SACS: variants seen among roughly 807,000 people sequenced by gnomAD.
The protein encoded by SACS is sacsin molecular chaperone, also known as sacsin.
SACS carries 197 observed loss-of-function variants against 348.0 expected under a neutral mutation model. The observed-to-expected ratio is 0.57, with a 90% CI of 0.50 to 0.64. SACS has a LOEUF of 0.64. Among genes scored for constraint, SACS ranks in the 30% least tolerant of loss-of-function variants. The pLI is 0.00. For synonymous variants in SACS, 1,985 were observed against 1,910.6 expected (o/e 1.04, Z -1.02); for missense variants, 4,999 against 5,360.8 (o/e 0.93, Z 2.11).
rs1871676689 is a variant in SACS at position 23,375,212 on chromosome 13, C to T, written c.78G>A (p.Leu26=). 2 of 1,500,140 alleles carry T rather than the reference C, an allele frequency of 1.3e-6. No individual in the cohort carries two copies. The highest frequency in any genetic ancestry group is 2.9e-5 in the African/African-American group (2 of 68,598). 92.9% of individuals were successfully genotyped at this position (1,500,140 alleles called of 1,614,324 possible). The stretch of plus-strand genomic sequence containing the variant: ...TCACATCGCGCACGGTCCAGGACGC[C>T]AGCGCCGCGACGGTCCTGCAGCCCA... ...GCVGCRTVAA[L]ASWTVRDVKE... Residue 26 remains leucine (L), a synonymous_variant, in exon 3 of 10, where the codon CTG becomes CTA. Transcript: ENST00000382292.
chr13:23,330,577 A>C lies in SACS; in HGVS notation c.13299T>G (p.Phe4433Leu), dbSNP rs1883399448. ...SAGQTYSQRF[F>L]VPPTFKSVGN... ...CAACCGACTTGAAAGTGGGAGGAACAAAGAACCTTTGAGAGTAAGTCTGTC... is the reference window on the plus strand; with the variant it reads ...CAACCGACTTGAAAGTGGGAGGAACCAAGAACCTTTGAGAGTAAGTCTGTC... The change falls in exon 10 of 10, where the codon TTT (phenylalanine) becomes TTG (leucine). Residue 4433 changes from phenylalanine to leucine, a missense_variant. Coordinates refer to ENST00000382292, the MANE Select transcript of SACS (RefSeq NM_014363.6). The C allele has an allele frequency of 6.2e-7, 1 of 1,613,958 alleles. No individual in the cohort carries two copies. The highest frequency in any genetic ancestry group is 1.1e-5 in the South Asian group (1 of 91,076).
chr13:23,330,142 T>C lies in SACS; in HGVS notation c.13734A>G (p.Lys4578=), dbSNP rs750688533. The C allele has an allele frequency of 1.2e-6, 2 of 1,613,400 alleles. No homozygotes were observed. Among genetic ancestry groups the C allele is most frequent in the African/African-American group, 2.7e-5 (2 of 74,922 alleles). ...IIKLENFMQQ[K]V ...TTTTTTTCGTTAAATATCTTCACAC[T>C]TTTTGTTGCATAAAATTTTCAAGTT... Residue 4578 remains lysine (K), a synonymous_variant, in exon 10 of 10, where the codon AAA becomes AAG. Coordinates refer to ENST00000382292, the MANE Select transcript of SACS (RefSeq NM_014363.6).
chr13:23,403,312 G>A (rs1395408782), intron 2 of SACS, among the ~76,000 whole-genome samples: 1 of 152,136 alleles, frequency 6.6e-6, no homozygotes, highest in Admixed American at 6.5e-5. Flanking sequence ...TTTTTCTGTT[G>A]TTCGGAATAG....
chr13:23,362,216 T>G (rs1315899120), intron 6 of SACS, among the ~76,000 whole-genome samples: 1 of 152,204 alleles, frequency 6.6e-6, no homozygotes, highest in African/African-American at 2.4e-5. Context: ...TGTGTCCTAG[T>G]GCAGCACAGA....
At chr13:23,417,727 T>G (rs549546565) in intron 1 of SACS, among the ~76,000 whole-genome samples, 1 of 152,244 alleles carries the variant, frequency 6.6e-6, no homozygotes, top group Non-Finnish European at 1.5e-5. Context: ...TAAGAATTCC[T>G]TTAAAAACAA....
At chr13:23,385,583 C>T (rs898915078) in intron 2 of SACS, among the ~76,000 whole-genome samples, 1 of 152,102 alleles carries the variant, frequency 6.6e-6, no homozygotes, top group Admixed American at 6.5e-5. Context: ...GTCTCGAATT[C>T]CTGACTTCAG....
chr13:23,332,431 T>C lies in SACS; in HGVS notation c.11445A>G (p.Leu3815=). 6.2e-7 allele frequency: 1 copy of C among 1,613,994 alleles called. No individual in the cohort carries two copies. Residue 3815 remains leucine (L), a synonymous_variant, in exon 10 of 10, where the codon CTA becomes CTG. Coordinates refer to ENST00000382292, the MANE Select transcript of SACS (RefSeq NM_014363.6). ...LLKPEEVVIN[L]EYESDFKPYL... is the part of the protein sequence containing the mutation. The stretch of plus-strand genomic sequence containing the variant: ...AAGGTTTAAAATCAGATTCATATTC[T>C]AGGTTTATGACTACCTCCTCAGGCT...
Position 23,355,804 on chromosome 13 carries a change from A to G in SACS, c.808T>C (p.Phe270Leu), listed in dbSNP as rs200030414. Reference protein sequence around the residue: ...TFINGNFPGTFFRFPLRLQPS... With the variant: ...TFINGNFPGTLFRFPLRLQPS... ...TGTAGGCGAAGAGGGAAACGGAAAA[A>G]TGTTCCTGGAAAATTGCCGTTTATA... is the stretch of plus-strand genomic sequence containing the variant. Residue 270 changes from phenylalanine to leucine, a missense_variant, in exon 8 of 10, where the codon TTT (phenylalanine) becomes CTT (leucine). Physicochemically the swap from Phe to Leu is conservative, Grantham distance 22 (BLOSUM62 0). Transcript: ENST00000382292. The G allele has an allele frequency of 1.9e-6, 3 of 1,614,194 alleles. No homozygotes were observed. Among genetic ancestry groups the G allele is most frequent in the East Asian group, 2.2e-5 (1 of 44,876 alleles).
In SACS at chr13:23,340,427, G is replaced by A. The variant is rs774395180; in HGVS notation, c.3449C>T (p.Thr1150Ile). 16 of 1,613,926 alleles carry A rather than the reference G, an allele frequency of 9.9e-6. No homozygotes were observed. The highest frequency in any genetic ancestry group is 1.1e-5 in the Non-Finnish European group (13 of 1,179,998). ...TGGAACCCATTTTATTTTCTTCAAT[G>A]TCATCTTTCCTTCAGATGATTGCAA... ...TLLQSSEGKM[T>I]LKKIKWVPAC... Residue 1150 changes from threonine to isoleucine, a missense_variant, in exon 10 of 10, where the codon ACA (threonine) becomes ATA (isoleucine). Coordinates refer to ENST00000382292, the MANE Select transcript of SACS (RefSeq NM_014363.6).
chr13:23,403,350 T>C (rs1446868255), intron 2 of SACS, among the ~76,000 whole-genome samples: 1 of 152,190 alleles, frequency 6.6e-6, no homozygotes, highest in African/African-American at 2.4e-5. Context: ...CCAGCTCCTC[T>C]TTTTACCTCT....
Position 23,403,705 on chromosome 13 carries a change from C to G in SACS, c.20+7515G>C, listed in dbSNP as rs148904118. Among the ~76,000 whole-genome samples the G allele has an allele frequency of 6.6e-3, 1,002 of 152,206 alleles. 7 individuals are homozygous for G. Among genetic ancestry groups the G allele is most frequent in the Non-Finnish European group, 9.8e-3 (668 of 68,012 alleles). On this transcript the variant is annotated intron_variant, in intron 2 of 9. Transcript: ENST00000382292. ...TTTTCAAAAAAACAGGTCCTGGATT[C>G]CTTGATTTTTTGAAGGGTTTTTTTG...
intron 2 of SACS, among the ~76,000 whole-genome samples, chr13:23,389,188 A>ATG (rs34493351): frequency 1.3e-5 from 2 of 151,418 alleles, no homozygotes; most frequent in South Asian, 2.1e-4. Flanking sequence ...ATATGTGTGT[A>ATG]TGTGTGTGTG....
Position 23,333,717 on chromosome 13 carries a change from G to T in SACS, c.10159C>A (p.Leu3387Ile). The T allele has an allele frequency of 6.2e-7, 1 of 1,613,748 alleles. No individual in the cohort carries two copies. The highest frequency in any genetic ancestry group is 8.5e-7 in the Non-Finnish European group (1 of 1,179,760). Residue 3387 changes from leucine to isoleucine, a missense_variant, in exon 10 of 10, where the codon CTT becomes ATT. By Grantham distance (5) the Leu-to-Ile change is conservative. This residue lies in a region of SACS where 734 missense variants were observed against 694.0 expected (regional missense o/e 1.06). Transcript: ENST00000382292. Reference sequence around the variant, plus strand: ...AAATTGCAGTTGAAATACATCAAAAGTGCCTCAAAATCATTTTCTACTAAT... The same window carrying T: ...AAATTGCAGTTGAAATACATCAAAATTGCCTCAAAATCATTTTCTACTAAT... ...EKLVENDFEA[L>I]LMYFNCNLNH...
rs905170833 is a variant in SACS, at chr13:23,339,260, G to A, written c.4616C>T (p.Thr1539Ile). Residue 1539 changes from threonine (T) to isoleucine (I), a missense_variant, in exon 10 of 10, where the codon ACT (threonine) becomes ATT (isoleucine). By Grantham distance (89) the Thr-to-Ile change is moderately conservative. Around this residue, in one of 6 missense-constraint regions of SACS, gnomAD observed 3,156 missense variants for 3,380.1 expected, o/e 0.93. Coordinates refer to ENST00000382292, the MANE Select transcript of SACS (RefSeq NM_014363.6). ...QFSDSDFVNI[T>I]RLGESLKRGE... ...CCTTTTTAAAGATTCTCCTAACCTA[G>A]TTATGTTCACAAAATCTGAATCTGA... The A allele has an allele frequency of 1.9e-6, 3 of 1,603,832 alleles. No homozygotes were observed. Among genetic ancestry groups the A allele is most frequent in the African/African-American group, 1.3e-5 (1 of 74,400 alleles).
rs775081172 is a variant in SACS at position 23,358,453 on chromosome 13, C to A, written c.486G>T (p.Ala162=). ...QGPALYVYNN[A]VFTPEDWHGI... ...CGTGCCAGTCCTCTGGGGTGAAAAC[C>A]GCGTTGTTGTACACATAGAGAGCTG... Residue 162 remains alanine, a synonymous_variant, in exon 7 of 10, where the codon GCG becomes GCT. Coordinates refer to ENST00000382292, the MANE Select transcript of SACS (RefSeq NM_014363.6). 4 of 1,614,010 alleles carry A rather than the reference C, an allele frequency of 2.5e-6. No individual in the cohort carries two copies. The Admixed American group carries it at 6.7e-5, about 27-fold the overall frequency.
chr13:23,375,678 GCCCAT>G, intron 2 of SACS: 2 of 520,106 alleles, frequency 3.8e-6, no homozygotes, highest in Non-Finnish European at 4.7e-6. Flanking sequence ...CCCAGGGAAC[GCCCAT>G]CCAGGCCCCG....
At chr13:23,413,416 G>T (rs979765184) in intron 1 of SACS, among the ~76,000 whole-genome samples, 2 of 152,228 alleles carry the variant, frequency 1.3e-5, no homozygotes, top group Admixed American at 6.5e-5. Flanking sequence ...GACAGAACAA[G>T]AAAGGTAGAG....
chr13:23,382,915 G>A (rs998159747), intron 2 of SACS, among the ~76,000 whole-genome samples: 19 of 148,862 alleles, frequency 1.3e-4, no homozygotes, highest in Admixed American at 3.4e-4. Flanking sequence ...CTGGGTAGCT[G>A]GGACTATAGG....
intron 9 of SACS, among the ~76,000 whole-genome samples, chr13:23,342,906 G>C (rs530413342): frequency 1.3e-5 from 2 of 152,234 alleles, no homozygotes; most frequent in Admixed American, 1.3e-4. Context: ...AAAAATAATG[G>C]GGATGAGATT....
Sources: allele counts gnomAD v4.1 joint callset (sites outside exome capture counted in the v4.1 genomes callset), GRCh38; gene constraint gnomAD v4.1.1; regional missense constraint gnomAD v4.1.1; transcripts MANE v1.5; gene names NCBI Gene and HGNC (gene_info 2026-07-23, HGNC 2026-07-21).